Variants in GRIK1 observed in about 807,000 individuals in gnomAD.
GRIK1 encodes glutamate receptor ionotropic, kainate 1.
GRIK1 carries 69 observed loss-of-function variants against 105.7 expected under a neutral mutation model. The ratio of observed to expected loss-of-function variants is 0.65; its 90% CI spans 0.54 to 0.80. The LOEUF is 0.80. GRIK1 is among the 30% of genes least tolerant of loss of function. The pLI is 0.00. For missense variants in GRIK1, 1,109 were observed against 1,167.3 expected, an observed-to-expected ratio of 0.95 and a Z score of 0.73; for synonymous variants, 438 against 431.3, an observed-to-expected ratio of 1.02 and a Z score of -0.19.
At chr21:29,808,410 C>T (rs2066919688) in intron 1 of GRIK1, among the ~76,000 whole-genome samples, 1 of 152,180 alleles carries the variant, frequency 6.6e-6, no homozygotes, top group Non-Finnish European at 1.5e-5. Flanking sequence ...TTTCTGAATA[C>T]ATACCAACTG....
At chr21:29,697,968 T>TC (rs2063741910) in intron 1 of GRIK1, among the ~76,000 whole-genome samples, 1 of 150,372 alleles carries the variant, frequency 6.7e-6, no homozygotes, top group Non-Finnish European at 1.5e-5. Context: ...TTCCTTTCTT[T>TC]CTTTCTCTCT....
At chr21:29,930,093 A>T (rs1442097338) in intron 1 of GRIK1, among the ~76,000 whole-genome samples, 2 of 152,206 alleles carry the variant, frequency 1.3e-5, no homozygotes, top group African/African-American at 4.8e-5. Context: ...GATGATTCAC[A>T]ATCATTTATA....
intron 1 of GRIK1, among the ~76,000 whole-genome samples, chr21:29,799,529 GT>G (rs2066647477): frequency 6.7e-6 from 1 of 149,998 alleles, no homozygotes; most frequent in Non-Finnish European, 1.5e-5. Flanking sequence ...TTTGTTTTTT[GT>G]TTGTTTGTTT....
intron 7 of GRIK1, among the ~76,000 whole-genome samples, chr21:29,636,614 A>G (rs2062402879): frequency 6.6e-6 from 1 of 152,192 alleles, no homozygotes; most frequent in African/African-American, 2.4e-5. Context: ...AACTTAGGGG[A>G]AAAGTTAGGG....
intron 1 of GRIK1, among the ~76,000 whole-genome samples, chr21:29,723,203 A>T (rs943663017): frequency 6.6e-6 from 1 of 152,202 alleles, no homozygotes; most frequent in Admixed American, 6.5e-5. Context: ...GCTCTCCTTT[A>T]AATGAAGAAA....
At chr21:29,786,022 G>A (rs191222172) in intron 1 of GRIK1, among the ~76,000 whole-genome samples, 17 of 152,220 alleles carry the variant, frequency 1.1e-4, no homozygotes, top group African/African-American at 3.6e-4. Context: ...ACGGAGTCTC[G>A]CTCTGTCACC....
At chr21:29,565,939 G>T (rs1016771784) in intron 14 of GRIK1, among the ~76,000 whole-genome samples, 1 of 152,170 alleles carries the variant, frequency 6.6e-6, no homozygotes, top group African/African-American at 2.4e-5. Flanking sequence ...AGAATTGAGG[G>T]CTCTTTCTTC....
At chr21:29,683,496 C>T (rs2146686448) in intron 3 of GRIK1, among the ~76,000 whole-genome samples, 1 of 152,260 alleles carries the variant, frequency 6.6e-6, no homozygotes, top group Admixed American at 6.5e-5. Flanking sequence ...CAGCTGGAGG[C>T]CGTTATCCTA....
intron 1 of GRIK1, among the ~76,000 whole-genome samples, chr21:29,767,112 C>G (rs1233861193): frequency 6.6e-6 from 1 of 152,008 alleles, no homozygotes; most frequent in Non-Finnish European, 1.5e-5. Flanking sequence ...CATACTTCAT[C>G]CGAAGGAGGG....
chr21:29,915,349 C>T (rs1007236298), intron 1 of GRIK1, among the ~76,000 whole-genome samples: 21 of 151,990 alleles, frequency 1.4e-4, no homozygotes, highest in Non-Finnish European at 1.9e-4. Context: ...TTGCTCTAAA[C>T]GTACACCAAC....
At chr21:29,763,806 A>G (rs940888378) in intron 1 of GRIK1, 2 of 152,200 alleles carry the variant, frequency 1.3e-5, no homozygotes, top group African/African-American at 4.8e-5. Flanking sequence ...ATAACACGTA[A>G]TCTTGTGATT....
chr21:29,842,406 G>A (rs751062518), intron 1 of GRIK1, among the ~76,000 whole-genome samples: 9 of 152,248 alleles, frequency 5.9e-5, no homozygotes, highest in Admixed American at 5.2e-4. Flanking sequence ...AAAAGGAAGC[G>A]AAGAAAAGAT....
intron 1 of GRIK1, among the ~76,000 whole-genome samples, chr21:29,867,943 AG>A (rs2068878064): frequency 6.7e-6 from 1 of 149,630 alleles, no homozygotes; most frequent in African/African-American, 2.5e-5. Flanking sequence ...AGAAAGAGAG[AG>A]AGAAAGAGAG....
chr21:29,566,495 G>A (rs1450952919), intron 14 of GRIK1, among the ~76,000 whole-genome samples: 1 of 152,146 alleles, frequency 6.6e-6, no homozygotes, highest in African/African-American at 2.4e-5. Flanking sequence ...GCAAAGAATA[G>A]CATTTTTCAT....
intron 1 of GRIK1, among the ~76,000 whole-genome samples, chr21:29,799,118 A>C (rs1270928206): frequency 6.6e-6 from 1 of 152,116 alleles, no homozygotes; most frequent in East Asian, 1.9e-4. Context: ...AAGGTTATCA[A>C]CCCTTTTCCT....
At chr21:29,537,716 T>C in intron 17 of GRIK1, 82 bp downstream of exon 17, 1 of 805,486 alleles carries the variant, frequency 1.2e-6, no homozygotes, top group Non-Finnish European at 2.2e-6. Context: ...TTAAGTCATT[T>C]CCCCCACTGA....
intron 1 of GRIK1, among the ~76,000 whole-genome samples, chr21:29,848,069 A>ATTATT: frequency 6.6e-6 from 1 of 152,024 alleles, no homozygotes; most frequent in Admixed American, 6.6e-5. Context: ...TATTATTATT[A>ATTATT]AAAGTTTTTT....
intron 1 of GRIK1, among the ~76,000 whole-genome samples, chr21:29,801,280 T>A (rs973499921): frequency 6.6e-6 from 1 of 151,796 alleles, no homozygotes; most frequent in Non-Finnish European, 1.5e-5. Context: ...TTACTTTTAA[T>A]GGTAAAAACC....
intron 16 of GRIK1, among the ~76,000 whole-genome samples, chr21:29,538,146 A>G (rs746658941): frequency 2.0e-5 from 3 of 151,824 alleles, no homozygotes; most frequent in Non-Finnish European, 4.4e-5. Context: ...ACATAAATGG[A>G]CCAATAAAAC....
Sources: gnomAD v4.1 joint callset for allele counts (sites outside exome capture counted in the v4.1 genomes callset) on GRCh38, gnomAD v4.1.1 for gene constraint, MANE v1.5 for transcripts, NCBI Gene and HGNC (gene_info 2026-07-23, HGNC 2026-07-21) for gene names.